The following RYR1 variants were observed in gnomAD, a reference collection of about 807,000 sequenced individuals.
RYR1 encodes ryanodine receptor 1.
In RYR1, 342 loss-of-function variants were observed where a neutral mutation model predicts 583.5. The ratio of observed to expected loss-of-function variants is 0.59; its 90% CI spans 0.54 to 0.64. RYR1 has a LOEUF of 0.64. Among genes scored for constraint, RYR1 ranks in the 30% least tolerant of loss-of-function variants. The pLI is 0.00. For synonymous variants in RYR1, 2,791 were observed against 2,822.5 expected, an observed-to-expected ratio of 0.99 and a Z score of 0.35; for missense variants, 6,032 against 6,917.2, an observed-to-expected ratio of 0.87 and a Z score of 4.54.
intron 83 of RYR1, among the ~76,000 whole-genome samples, chr19:38,537,615 G>A (rs1488667592): frequency 6.6e-6 from 1 of 152,192 alleles, no homozygotes; most frequent in African/African-American, 2.4e-5. Flanking sequence ...AGAGGGCACT[G>A]ATGTAGAAAG....
Position 38,585,921 on chromosome 19 carries a change from G to A in RYR1, c.14804-17G>A, listed in dbSNP as rs773885994. ...CAGGTCAGAGGTCGGGCACTGACTTGTGTCCTGCCACCCCAGGTCTGATCA... is the reference window on the plus strand; with the variant it reads ...CAGGTCAGAGGTCGGGCACTGACTTATGTCCTGCCACCCCAGGTCTGATCA... On this transcript the variant is annotated splice_polypyrimidine_tract_variant and intron_variant, in intron 102 of 105. Coordinates refer to ENST00000359596, the MANE Select transcript of RYR1 (RefSeq NM_000540.3). 6.2e-7 allele frequency: 1 copy of A among 1,614,082 alleles called. No homozygotes were observed. Among genetic ancestry groups the A allele is most frequent in the Non-Finnish European group, 8.5e-7 (1 of 1,180,020 alleles).
intron 2 of RYR1, among the ~76,000 whole-genome samples, chr19:38,441,423 CAG>C (rs1972678647): frequency 8.6e-6 from 1 of 116,172 alleles, no homozygotes; most frequent in Non-Finnish European, 1.8e-5. Context: ...GAGGATGGGA[CAG>C]GGCCTGAGAT....
intron 101 of RYR1, among the ~76,000 whole-genome samples, chr19:38,584,000 C>T (rs1199317221): frequency 6.6e-6 from 1 of 151,942 alleles, no homozygotes; most frequent in Non-Finnish European, 1.5e-5. Flanking sequence ...TCACTGATGG[C>T]GAGGCAGCAT....
intron 67 of RYR1, among the ~76,000 whole-genome samples, chr19:38,520,078 T>C (rs1236932720): frequency 2.7e-5 from 4 of 150,816 alleles, no homozygotes; most frequent in Admixed American, 2.0e-4. Context: ...TTGCTTTTTT[T>C]TTTTTTTTTT....
Position 38,454,299 on chromosome 19 carries a change from C to T in RYR1, c.1441-936C>T, listed in dbSNP as rs758397856. 3.9e-5 allele frequency among the ~76,000 whole-genome samples: 6 copies of T among 152,376 alleles called. No individual in the cohort carries two copies. The South Asian group carries it at 6.2e-4, about 16-fold the overall frequency. ...AGGTGATCCACCCGCCTCCACCTCC[C>T]AAAGAGCTGGGATTACAGGCGTGAG... is the stretch of plus-strand genomic sequence containing the variant. On this transcript the variant is annotated intron_variant, in intron 13 of 105. Coordinates refer to ENST00000359596, the MANE Select transcript of RYR1 (RefSeq NM_000540.3).
chr19:38,450,396 C>T (rs1967012926), intron 11 of RYR1, among the ~76,000 whole-genome samples: 1 of 152,106 alleles, frequency 6.6e-6, no homozygotes, highest in Non-Finnish European at 1.5e-5. Flanking sequence ...AGTGCTGAAA[C>T]AGCCTCATTG....
At chr19:38,442,162 G>A (rs970460877) in intron 2 of RYR1, among the ~76,000 whole-genome samples, 187 bp from the exon 3 acceptor site, 1 of 148,938 alleles carries the variant, frequency 6.7e-6, no homozygotes, top group African/African-American at 2.5e-5. Context: ...AGGTGTTTTC[G>A]TGATGTTGGT....
intron 28 of RYR1, among the ~76,000 whole-genome samples, chr19:38,474,179 G>A (rs1380054959): frequency 6.6e-6 from 1 of 152,112 alleles, no homozygotes; most frequent in Non-Finnish European, 1.5e-5. Context: ...TGTCACAAAT[G>A]TACCCCCCGA....
chr19:38,520,693 C>CAAAAAAAAAAAAAAAAAA lies in RYR1; in HGVS notation c.10259+1248_10259+1265dup, dbSNP rs71165555. ...CTAGGAACAGAGCGAGGCTCCACCTCAAAAAAAAAAAAAAAAAAAAAAAAA... is the reference window on the plus strand; with the variant it reads ...CTAGGAACAGAGCGAGGCTCCACCTCAAAAAAAAAAAAAAAAAAAAAAAAAAAAAAAAAAAAAAAAAAA... On this transcript the variant is annotated intron_variant, in intron 67 of 105. Coordinates refer to ENST00000359596, the MANE Select transcript of RYR1 (RefSeq NM_000540.3). Among the ~76,000 whole-genome samples, 78 of 46,898 alleles carry CAAAAAAAAAAAAAAAAAA rather than the reference C, an allele frequency of 1.7e-3. 6 individuals are homozygous for CAAAAAAAAAAAAAAAAAA. Among genetic ancestry groups the CAAAAAAAAAAAAAAAAAA allele is most frequent in the East Asian group, 3.9e-3 (3 of 772 alleles). The allele number at this position is 46,898 out of a possible 152,430, so 30.8% of individuals were successfully genotyped here.
At chr19:38,463,151 C>CG (rs1967870606) in intron 20 of RYR1, among the ~76,000 whole-genome samples, 1 of 69,782 alleles carries the variant, frequency 1.4e-5, no homozygotes, top group African/African-American at 5.2e-5. Context: ...GCCCCCCCCC[C>CG]CCCCACTTAG....
intron 30 of RYR1, 55 bp from the exon 31 acceptor site, chr19:38,478,380 C>T (rs1314602050): frequency 1.3e-6 from 2 of 1,597,420 alleles, no homozygotes; most frequent in Admixed American, 1.7e-5. Context: ...AGGGGGTGTC[C>T]AGGGTCCAGA....
At chr19:38,536,803 G>A in intron 83 of RYR1, 36 bp downstream of exon 83, 1 of 1,610,850 alleles carries the variant, frequency 6.2e-7, no homozygotes, top group South Asian at 1.1e-5. Flanking sequence ...CTGTGCTGCT[G>A]TCACCCACCC....
chr19:38,499,565 G>T lies in RYR1; in HGVS notation c.7028-70G>T. 3 of 1,543,386 alleles carry T rather than the reference G, an allele frequency of 1.9e-6. No homozygotes were observed. The highest frequency in any genetic ancestry group is 2.6e-6 in the Non-Finnish European group (3 of 1,137,154). Reference sequence around the variant, plus strand: ...CCTGTGTTACCCCTGGAGGTGTTGGGTCCTGGGGCTGCATGGGGAGGTCTC... The same window carrying T: ...CCTGTGTTACCCCTGGAGGTGTTGGTTCCTGGGGCTGCATGGGGAGGTCTC... On this transcript the variant is annotated intron_variant, in intron 43 of 105. Coordinates refer to ENST00000359596, the MANE Select transcript of RYR1 (RefSeq NM_000540.3). This position sits in a 1 kb window ranked among gnomAD's most constrained non-coding sequence, Gnocchi z 7.3.
At position 38,455,498 on chromosome 19, in the gene RYR1, A is replaced by G. The variant is rs1285051550; in HGVS notation, c.1624A>G (p.Asn542Asp). Residue 542 changes from asparagine (N) to aspartate (D), a missense_variant, in exon 15 of 106, where the codon AAC becomes GAC. Coordinates refer to ENST00000359596, the MANE Select transcript of RYR1 (RefSeq NM_000540.3). Reference sequence around the variant, plus strand: ...TAGCAACTGTGCCCTCTTCTCCACAAACTTGGACTGGCTGGTCAGCAAGCT... The same window carrying G: ...TAGCAACTGTGCCCTCTTCTCCACAGACTTGGACTGGCTGGTCAGCAAGCT... ...NRSNCALFST[N>D]LDWLVSKLDR... is the part of the protein sequence containing the mutation. 3 of 1,614,048 alleles carry G rather than the reference A, an allele frequency of 1.9e-6. No individual in the cohort carries two copies. The highest frequency in any genetic ancestry group is 1.1e-5 in the South Asian group (1 of 91,076).
At chr19:38,465,829 G>A (rs955813717) in intron 23 of RYR1, among the ~76,000 whole-genome samples, 1 of 152,106 alleles carries the variant, frequency 6.6e-6, no homozygotes, top group African/African-American at 2.4e-5. Context: ...AGAGTTCCGG[G>A]GTTAGAGATA....
chr19:38,567,824 C>T lies in RYR1; in HGVS notation c.13566C>T (p.Pro4522=), dbSNP rs1470487879. The change falls in exon 93 of 106, where the codon CCC becomes CCT. Residue 4522 remains proline, a synonymous_variant. Transcript: ENST00000359596. ...EEVPEPTPEP[P]KKQAPPSPPP... is the part of the protein sequence containing the mutation. ...TTCCCGAGCCCACACCAGAGCCCCC[C>T]AAGAAGCAAGCACCTCCCTCACCCC... 3 of 1,614,118 alleles carry T rather than the reference C, an allele frequency of 1.9e-6. No homozygotes were observed. The highest frequency in any genetic ancestry group is 2.7e-5 in the African/African-American group (2 of 75,050).
In RYR1 at chr19:38,496,169, C is replaced by T; in HGVS notation, c.6549-46C>T. On this transcript the variant is annotated intron_variant, in intron 39 of 105. Transcript: ENST00000359596. The surrounding 1 kb of genome is among the most constrained non-coding windows in gnomAD (Gnocchi z 4.8). ...GTCACAGTGGTGGCTATGGCCCTCT[C>T]CGGACCTGGGCCCCTGGTGACCCCG... 3 of 1,533,168 alleles carry T rather than the reference C, an allele frequency of 2.0e-6. No homozygotes were observed. The highest frequency in any genetic ancestry group is 2.7e-6 in the Non-Finnish European group (3 of 1,110,182). 95.0% of individuals were successfully genotyped at this position (1,533,168 alleles called of 1,614,324 possible). A position where few individuals can be genotyped will look rare whatever the true frequency, so the allele number is the denominator to read the frequency against.
In RYR1 at chr19:38,483,398, C is replaced by A. The variant is rs774316371; in HGVS notation, c.4816C>A (p.Arg1606Ser). 14 of 1,570,834 alleles carry A rather than the reference C, an allele frequency of 8.9e-6. No homozygotes were observed. Among genetic ancestry groups the A allele is most frequent in the South Asian group, 8.2e-5 (7 of 85,586 alleles). ...GATGCTGATGCCAGTGTCCTGGAGC[C>A]GCATGCCCAACCACTTCCTGCAGGT... ...MQMLMPVSWS[R>S]MPNHFLQVET... Residue 1606 changes from arginine to serine, a missense_variant, in exon 33 of 106, where the codon CGC becomes AGC. Transcript: ENST00000359596. The surrounding 1 kb of genome is among the most constrained non-coding windows in gnomAD (Gnocchi z 6.3).
At chr19:38,568,667 G>A (rs984860260) in intron 93 of RYR1, among the ~76,000 whole-genome samples, 4 of 149,056 alleles carry the variant, frequency 2.7e-5, no homozygotes, top group Admixed American at 1.4e-4. Flanking sequence ...CATGAGAATC[G>A]CTTGAACCCA....
Sources: allele counts gnomAD v4.1 joint callset (sites outside exome capture counted in the v4.1 genomes callset), GRCh38; gene constraint gnomAD v4.1.1; non-coding constraint Gnocchi (gnomAD v3.1); transcripts MANE v1.5; gene names NCBI Gene and HGNC (gene_info 2026-07-23, HGNC 2026-07-21).